Variants in CPQ observed in about 807,000 individuals in gnomAD.
CPQ encodes the protein carboxypeptidase Q.
In CPQ, 37 loss-of-function variants were observed where a neutral mutation model predicts 45.7. That is an observed-to-expected ratio of 0.81 (90% CI 0.62 to 1.07). CPQ has a LOEUF of 1.07. CPQ is among the 50% of genes least tolerant of loss of function. The pLI, the probability that CPQ is intolerant of heterozygous loss-of-function variation, is 0.00. For missense variants in CPQ, 537 were observed against 572.9 expected (o/e 0.94, Z 0.64); for synonymous variants, 186 against 205.8 (o/e 0.90, Z 0.82).
intron 3 of CPQ, among the ~76,000 whole-genome samples, chr8:96,837,946 T>C (rs1230554461): frequency 6.6e-6 from 1 of 152,170 alleles, no homozygotes; most frequent in African/African-American, 2.4e-5. Flanking sequence ...TGACTCCACA[T>C]TCCAGCAGTC....
chr8:96,884,663 C>A (rs1042673885), intron 4 of CPQ, among the ~76,000 whole-genome samples: 3 of 152,098 alleles, frequency 2.0e-5, no homozygotes, highest in Non-Finnish European at 4.4e-5. Context: ...TGGTGAAAGG[C>A]AATGTCTGGT....
Position 96,687,785 on chromosome 8 carries a change from C to T in CPQ, c.-35+42383C>T, listed in dbSNP as rs999240016. On this transcript the variant is annotated intron_variant, in intron 1 of 7. Transcript: ENST00000220763. Reference sequence around the variant, plus strand: ...AAATATCCTGATAGTAGATTATTTTCATTTTCTGGGTTTGTTATTTTTAAG... The same window carrying T: ...AAATATCCTGATAGTAGATTATTTTTATTTTCTGGGTTTGTTATTTTTAAG... 7.9e-5 allele frequency among the ~76,000 whole-genome samples: 12 copies of T among 152,028 alleles called. No individual in the cohort carries two copies. In the South Asian group the frequency reaches 2.5e-3, roughly 32 times the overall value.
At chr8:96,941,446 A>G (rs1019050200) in intron 4 of CPQ, among the ~76,000 whole-genome samples, 1 of 152,102 alleles carries the variant, frequency 6.6e-6, no homozygotes, top group Non-Finnish European at 1.5e-5. Context: ...TCAGACTTTC[A>G]GCTGCCCATA....
At chr8:96,919,891 A>G (rs1338498144) in intron 4 of CPQ, among the ~76,000 whole-genome samples, 1 of 152,130 alleles carries the variant, frequency 6.6e-6, no homozygotes, top group East Asian at 1.9e-4. Flanking sequence ...GAGAATATGT[A>G]CTCTGGAGTT....
At chr8:97,129,492 A>G (rs1401697790) in intron 7 of CPQ, among the ~76,000 whole-genome samples, 2 of 152,180 alleles carry the variant, frequency 1.3e-5, no homozygotes, top group African/African-American at 4.8e-5. Context: ...AGGCTCATAG[A>G]AAGTACTTAG....
At chr8:96,745,088 T>C (rs1196004057) in intron 1 of CPQ, among the ~76,000 whole-genome samples, 1 of 152,132 alleles carries the variant, frequency 6.6e-6, no homozygotes, top group Non-Finnish European at 1.5e-5. Flanking sequence ...CGTGGGTAGA[T>C]CACAAGGTCA....
intron 4 of CPQ, among the ~76,000 whole-genome samples, chr8:96,907,220 G>A (rs1261140372): frequency 6.6e-6 from 1 of 152,182 alleles, no homozygotes; most frequent in Non-Finnish European, 1.5e-5. Context: ...ATTGCCTGAT[G>A]AGTAACTTTG....
chr8:96,917,695 A>G (rs569114570), intron 4 of CPQ, among the ~76,000 whole-genome samples: 1 of 152,288 alleles, frequency 6.6e-6, no homozygotes, highest in South Asian at 2.1e-4. Context: ...ATACTAACCC[A>G]TCTGTATACA....
At chr8:96,912,281 G>A (rs1478893868) in intron 4 of CPQ, among the ~76,000 whole-genome samples, 1 of 152,148 alleles carries the variant, frequency 6.6e-6, no homozygotes, top group Non-Finnish European at 1.5e-5. Context: ...AACATTAGTA[G>A]GTTTTCACTT....
chr8:96,984,110 CT>C (rs1813958660), intron 5 of CPQ, among the ~76,000 whole-genome samples: 2 of 151,544 alleles, frequency 1.3e-5, no homozygotes, highest in African/African-American at 4.8e-5. Flanking sequence ...CATTCCCTTT[CT>C]TTTTTTTAGT....
At chr8:97,099,115 C>CTG (rs1554589610) in intron 7 of CPQ, among the ~76,000 whole-genome samples, 1 of 66,316 alleles carries the variant, frequency 1.5e-5, no homozygotes, top group Admixed American at 2.7e-4. Context: ...CCTTCTCTCT[C>CTG]TTTTTTTTTT....
chr8:97,077,155 AATTC>A (rs1483366174), intron 7 of CPQ, among the ~76,000 whole-genome samples: 2 of 152,178 alleles, frequency 1.3e-5, no homozygotes, highest in Non-Finnish European at 2.9e-5. Context: ...CATATCAAGC[AATTC>A]AACTTTTTCT....
chr8:97,023,951 G>T (rs146734317), intron 5 of CPQ, among the ~76,000 whole-genome samples: 115 of 152,258 alleles, frequency 7.6e-4, no homozygotes, highest in Non-Finnish European at 1.3e-3. Context: ...GTGTCACAGG[G>T]TACCCATTTT....
chr8:96,918,551 C>T (rs1296889581), intron 4 of CPQ, among the ~76,000 whole-genome samples: 1 of 152,062 alleles, frequency 6.6e-6, no homozygotes, highest in African/African-American at 2.4e-5. Context: ...TCCCAGGACC[C>T]TCTGTTTACT....
chr8:96,810,137 C>T (rs771528899), intron 2 of CPQ, among the ~76,000 whole-genome samples: 3 of 152,186 alleles, frequency 2.0e-5, no homozygotes, highest in Admixed American at 1.3e-4. Flanking sequence ...CTCCAAGAGC[C>T]TTCCCCTGGT....
chr8:96,683,254 C>A (rs1253147336), intron 1 of CPQ, among the ~76,000 whole-genome samples: 2 of 152,036 alleles, frequency 1.3e-5, no homozygotes, highest in African/African-American at 2.4e-5. Context: ...TACTTTATTT[C>A]TTTCATTTCT....
intron 1 of CPQ, among the ~76,000 whole-genome samples, chr8:96,672,419 A>G (rs1212498787): frequency 6.6e-6 from 1 of 152,180 alleles, no homozygotes; most frequent in Non-Finnish European, 1.5e-5. Flanking sequence ...GGAAATTGAG[A>G]CAATGAGCCA....
intron 1 of CPQ, among the ~76,000 whole-genome samples, chr8:96,670,577 C>T (rs375142820): frequency 7.6e-4 from 115 of 152,032 alleles, no homozygotes; most frequent in African/African-American, 2.6e-3. Context: ...AAGCCTTATG[C>T]TAATGTTTAT....
chr8:96,794,700 C>T (rs1810902332), intron 2 of CPQ, among the ~76,000 whole-genome samples: 1 of 152,144 alleles, frequency 6.6e-6, no homozygotes, highest in African/African-American at 2.4e-5. Flanking sequence ...AAACTGAATG[C>T]CTTTAACAGC....
Sources: allele counts gnomAD v4.1 joint callset (sites outside exome capture counted in the v4.1 genomes callset), GRCh38; gene constraint gnomAD v4.1.1; transcripts MANE v1.5; gene names NCBI Gene and HGNC (gene_info 2026-07-23, HGNC 2026-07-21).